Variants in LRRC7 observed in about 807,000 individuals in gnomAD.
LRRC7 encodes the protein leucine-rich repeat-containing protein 7.
LRRC7 carries 23 observed loss-of-function variants against 175.7 expected under a neutral mutation model. The ratio of observed to expected loss-of-function variants is 0.13; its 90% CI spans 0.09 to 0.19. The LOEUF is 0.19. Ranked by LOEUF, LRRC7 falls within the 10% of genes least tolerant of loss-of-function variation. The probability of loss-of-function intolerance (pLI) is 1.00; values close to 1 mark genes in which losing one functional copy is unlikely to be tolerated. For missense variants in LRRC7, 1,354 were observed against 1,904.7 expected, an observed-to-expected ratio of 0.71 and a Z score of 5.38; for synonymous variants, 685 against 680.9, an observed-to-expected ratio of 1.01 and a Z score of -0.09.
At chr1:69,671,006 C>G (rs553950209) in intron 1 of LRRC7, among the ~76,000 whole-genome samples, 1 of 152,258 alleles carries the variant, frequency 6.6e-6, no homozygotes, top group African/African-American at 2.4e-5. Flanking sequence ...CTCTTTTCCT[C>G]TGTGGCAAAG....
intron 2 of LRRC7, among the ~76,000 whole-genome samples, chr1:69,694,792 T>G (rs1662356774): frequency 6.6e-6 from 1 of 151,182 alleles, no homozygotes; most frequent in Non-Finnish European, 1.5e-5. Context: ...CAGTTCACCC[T>G]TTGACTTCCA....
chr1:69,864,163 AAAG>A (rs1296275026), intron 7 of LRRC7, among the ~76,000 whole-genome samples: 1 of 152,222 alleles, frequency 6.6e-6, no homozygotes, highest in Non-Finnish European at 1.5e-5. Context: ...CTTAGAAAAA[AAAG>A]AAGAAAATAA....
At chr1:69,713,255 G>A (rs1350924774) in intron 2 of LRRC7, among the ~76,000 whole-genome samples, 2 of 152,138 alleles carry the variant, frequency 1.3e-5, no homozygotes, top group Admixed American at 6.5e-5. Flanking sequence ...GGGGGCCAAA[G>A]CAGGAGGCTC....
rs961199583 is a variant in LRRC7, at chr1:70,127,812, A to T, written c.*5925A>T. Among the ~76,000 whole-genome samples, 25 of 152,324 alleles carry T rather than the reference A, an allele frequency of 1.6e-4. No individual in the cohort carries two copies. The highest frequency in any genetic ancestry group is 5.8e-4 in the African/African-American group (24 of 41,562). ...CACGCAGCATTTATGTAAACATTCC[A>T]TGACTCTTATTAGTCTACGGTTGGA... On this transcript the variant is annotated 3_prime_UTR_variant, in exon 27 of 27. Coordinates refer to ENST00000651989, the MANE Select transcript of LRRC7 (RefSeq NM_001370785.2).
In LRRC7 at chr1:70,142,326, G is replaced by C. The variant is rs969773267; in HGVS notation, c.*20439G>C. 2.0e-5 allele frequency: 3 copies of C among 152,140 alleles called. No homozygotes were observed. The highest frequency in any genetic ancestry group is 4.4e-5 in the Non-Finnish European group (3 of 67,992). The allele number at this position is 152,140 out of a possible 1,614,324, so 9.4% of individuals were successfully genotyped here. On this transcript the variant is annotated 3_prime_UTR_variant, in exon 27 of 27. Coordinates refer to ENST00000651989, the MANE Select transcript of LRRC7 (RefSeq NM_001370785.2). Reference sequence around the variant, plus strand: ...TTAGCTTTGATGACACCTAGCGTCAGTGGAATGCAATGAATGCTTAATACT... The same window carrying C: ...TTAGCTTTGATGACACCTAGCGTCACTGGAATGCAATGAATGCTTAATACT...
At chr1:69,970,488 C>T (rs1163475153) in intron 8 of LRRC7, among the ~76,000 whole-genome samples, 1 of 152,018 alleles carries the variant, frequency 6.6e-6, no homozygotes, top group Admixed American at 6.6e-5. Context: ...TCATTCAAGG[C>T]TAATACGAAT....
intron 1 of LRRC7, among the ~76,000 whole-genome samples, chr1:69,639,932 G>A (rs889022946): frequency 6.6e-5 from 10 of 151,720 alleles, no homozygotes; most frequent in South Asian, 6.2e-4. Flanking sequence ...AAATAAAAAC[G>A]TGCAGTTTGA....
intron 1 of LRRC7, among the ~76,000 whole-genome samples, chr1:69,602,249 AT>A (rs750534042): frequency 6.6e-6 from 1 of 151,826 alleles, no homozygotes; most frequent in African/African-American, 2.4e-5. Flanking sequence ...CATACATTTC[AT>A]TTTTTTTACA....
At chr1:69,785,349 T>A (rs915559904) in intron 3 of LRRC7, among the ~76,000 whole-genome samples, 35 of 152,150 alleles carry the variant, frequency 2.3e-4, no homozygotes, top group Non-Finnish European at 4.1e-4. Flanking sequence ...AACTTTCTTT[T>A]AGTTAATTTT....
chr1:70,067,950 T>C (rs532630859), intron 23 of LRRC7, among the ~76,000 whole-genome samples: 1 of 152,328 alleles, frequency 6.6e-6, no homozygotes, highest in African/African-American at 2.4e-5. Flanking sequence ...TTGATTTGTG[T>C]ATGTTTATCT....
chr1:69,708,210 A>T (rs1199976338), intron 2 of LRRC7, among the ~76,000 whole-genome samples: 1 of 152,232 alleles, frequency 6.6e-6, no homozygotes, highest in Non-Finnish European at 1.5e-5. Flanking sequence ...TATATATATA[A>T]GTGAATTTTC....
In LRRC7 at chr1:69,995,922, A is replaced by C. The variant is rs576135137; in HGVS notation, c.1004+1289A>C. Among the ~76,000 whole-genome samples the C allele has an allele frequency of 8.7e-5, 13 of 150,114 alleles. No individual in the cohort carries two copies. The East Asian group carries it at 2.5e-3, about 29-fold the overall frequency. ...ATAGTCCTTTGGGTATATACCCAGTAATGGGATGGCTGGGTCAAATGGTAT... is the reference window on the plus strand; with the variant it reads ...ATAGTCCTTTGGGTATATACCCAGTCATGGGATGGCTGGGTCAAATGGTAT... On this transcript the variant is annotated intron_variant, in intron 11 of 26. Transcript: ENST00000651989.
chr1:69,780,823 C>T (rs1392089279), intron 3 of LRRC7, among the ~76,000 whole-genome samples: 1 of 152,162 alleles, frequency 6.6e-6, no homozygotes, highest in Non-Finnish European at 1.5e-5. Context: ...CACTAGACAA[C>T]CATTTCTTTT....
rs544113831 is a variant in LRRC7 at position 69,909,667 on chromosome 1, A to T, written c.648-21840A>T. On this transcript the variant is annotated intron_variant, in intron 7 of 26. Coordinates refer to ENST00000651989, the MANE Select transcript of LRRC7 (RefSeq NM_001370785.2). ...TGTTAGTCTGATGGGCTTCCCTTTG[A>T]GGGTAACCCGACCTTTCTCTCTGGC... is the stretch of plus-strand genomic sequence containing the variant. Among the ~76,000 whole-genome samples the T allele has an allele frequency of 7.2e-5, 11 of 151,966 alleles. No individual in the cohort carries two copies. The South Asian group carries it at 1.2e-3, about 17-fold the overall frequency.
rs999051332 is a variant in LRRC7 at position 70,140,086 on chromosome 1, C to T, written c.*18199C>T. 6.6e-6 allele frequency: 1 copy of T among 151,906 alleles called. No individual in the cohort carries two copies. Among genetic ancestry groups the T allele is most frequent in the African/African-American group, 2.4e-5 (1 of 41,328 alleles). 9.4% of individuals were successfully genotyped at this position (151,906 alleles called of 1,614,324 possible). A position where few individuals can be genotyped will look rare whatever the true frequency, so the allele number is the denominator to read the frequency against. ...GGAGTAATTGAAAAGATACATCAAG[C>T]AATAATAAACTAGATGTGCAATAAT... On this transcript the variant is annotated 3_prime_UTR_variant, in exon 27 of 27. Transcript: ENST00000651989.
intron 8 of LRRC7, among the ~76,000 whole-genome samples, chr1:69,963,707 T>C (rs921245031): frequency 1.1e-4 from 17 of 152,202 alleles, no homozygotes; most frequent in African/African-American, 2.4e-5. Context: ...TACTCTTAAA[T>C]TTAGATTCAG....
intron 18 of LRRC7, among the ~76,000 whole-genome samples, chr1:70,035,578 G>C (rs1225929595): frequency 7.3e-6 from 1 of 136,690 alleles, no homozygotes; most frequent in African/African-American, 2.9e-5. Context: ...GGTGGGAAGA[G>C]CAGGATTTAT....
chr1:70,086,704 A>T (rs1663637904), intron 24 of LRRC7, among the ~76,000 whole-genome samples: 1 of 152,144 alleles, frequency 6.6e-6, no homozygotes, highest in East Asian at 1.9e-4. Context: ...ACGCCACTGC[A>T]CTCCAGCCTG....
chr1:69,894,642 A>G (rs576192110), intron 7 of LRRC7, among the ~76,000 whole-genome samples: 34 of 152,350 alleles, frequency 2.2e-4, no homozygotes, highest in South Asian at 1.2e-3. Flanking sequence ...CACATTACAC[A>G]CAATGAAATA....
Sources: gnomAD v4.1 joint callset for allele counts (sites outside exome capture counted in the v4.1 genomes callset) on GRCh38, gnomAD v4.1.1 for gene constraint, MANE v1.5 for transcripts, NCBI Gene and HGNC (gene_info 2026-07-23, HGNC 2026-07-21) for gene names.